Variants in ANO4 observed in about 807,000 individuals in gnomAD.
ANO4 encodes the protein anoctamin 4, also known as anoctamin-4.
Under a neutral mutation model 141.9 loss-of-function variants are expected in ANO4, and 69 were observed. That is an observed-to-expected ratio of 0.49 (90% CI 0.40 to 0.59). The LOEUF (loss-of-function observed/expected upper bound fraction) is 0.59, where lower values mean the gene tolerates loss of function less well. Ranked by LOEUF, ANO4 falls within the 20% of genes least tolerant of loss-of-function variation. The pLI is 0.00. For synonymous variants in ANO4, 350 were observed against 394.3 expected (o/e 0.89, Z 1.33); for missense variants, 894 against 1,162.2 (o/e 0.77, Z 3.36).
Position 100,743,544 on chromosome 12 carries a change from T to C in ANO4, c.358+3439T>C, listed in dbSNP as rs182736492. ...GAAACTTTACACTTCAAAAAGTTGCTACTAGATACTGGACTTTGGGATATA... is the reference window on the plus strand; with the variant it reads ...GAAACTTTACACTTCAAAAAGTTGCCACTAGATACTGGACTTTGGGATATA... On this transcript the variant is annotated intron_variant, in intron 3 of 29. Transcript: ENST00000644049. 4.1e-4 allele frequency among the ~76,000 whole-genome samples: 62 copies of C among 152,250 alleles called. No homozygotes were observed. The East Asian group carries it at 4.2e-3, about 10-fold the overall frequency.
At chr12:100,825,341 A>G (rs113854567) in intron 1 of ANO4, among the ~76,000 whole-genome samples, 2 of 152,160 alleles carry the variant, frequency 1.3e-5, no homozygotes, top group African/African-American at 4.8e-5. Context: ...TAGATTCTCT[A>G]TGTACATGAT....
At chr12:101,041,093 TAAC>T (rs1053953807) in intron 11 of ANO4, among the ~76,000 whole-genome samples, 2 of 152,228 alleles carry the variant, frequency 1.3e-5, no homozygotes, top group African/African-American at 4.8e-5. Flanking sequence ...GATTGGGTAA[TAAC>T]AACCCACATT....
chr12:100,766,607 A>G (rs2033093379), intron 3 of ANO4, among the ~76,000 whole-genome samples: 1 of 152,092 alleles, frequency 6.6e-6, no homozygotes, highest in South Asian at 2.1e-4. Context: ...AAAAGATACT[A>G]GTTATGATTT....
intron 6 of ANO4, among the ~76,000 whole-genome samples, chr12:100,973,794 A>G (rs1206831276): frequency 6.6e-6 from 1 of 152,178 alleles, no homozygotes; most frequent in African/African-American, 2.4e-5. Context: ...TCATGTATCC[A>G]CCATTGCAGG....
chr12:100,983,508 G>T (rs145588493), intron 7 of ANO4, among the ~76,000 whole-genome samples: 7 of 152,284 alleles, frequency 4.6e-5, no homozygotes, highest in African/African-American at 1.4e-4. Context: ...GGGAAAATCT[G>T]CTTCTGGGTT....
chr12:100,895,557 C>CTTTTTT, intron 1 of ANO4, among the ~76,000 whole-genome samples: 4 of 137,318 alleles, frequency 2.9e-5, no homozygotes, highest in African/African-American at 1.3e-4. Context: ...AAAATCTGAG[C>CTTTTTT]TTTGTTTTTT....
intron 18 of ANO4, among the ~76,000 whole-genome samples, chr12:101,095,265 A>G (rs758486471): frequency 3.5e-4 from 52 of 148,566 alleles, no homozygotes; most frequent in South Asian, 8.5e-4. Flanking sequence ...GAAATCTTCC[A>G]TCACCACCAG....
chr12:100,810,698 G>A (rs1311262579), intron 1 of ANO4, among the ~76,000 whole-genome samples: 2 of 152,114 alleles, frequency 1.3e-5, no homozygotes, highest in Non-Finnish European at 2.9e-5. Flanking sequence ...AAATGGGCAA[G>A]TGTAGATTAG....
intron 1 of ANO4, among the ~76,000 whole-genome samples, chr12:100,795,277 A>G (rs2034237080): frequency 1.3e-5 from 2 of 152,142 alleles, no homozygotes; most frequent in Non-Finnish European, 2.9e-5. Context: ...TTGTCCTTGA[A>G]GCAGCAGCCG....
At chr12:100,961,066 A>T (rs1487148926) in intron 5 of ANO4, among the ~76,000 whole-genome samples, 3 of 152,220 alleles carry the variant, frequency 2.0e-5, no homozygotes, top group South Asian at 2.1e-4. Context: ...ATTTATAATT[A>T]GGGTCATCAT....
At chr12:100,803,849 A>C (rs950388212) in intron 1 of ANO4, among the ~76,000 whole-genome samples, 1 of 152,112 alleles carries the variant, frequency 6.6e-6, no homozygotes, top group African/African-American at 2.4e-5. Context: ...TTATCTAACA[A>C]TTGTTAACCT....
At chr12:100,731,685 A>G (rs1390849294) in intron 1 of ANO4, among the ~76,000 whole-genome samples, 1 of 152,126 alleles carries the variant, frequency 6.6e-6, no homozygotes, top group Non-Finnish European at 1.5e-5. Context: ...GCAACCACTA[A>G]TCTTTTTATT....
At chr12:100,877,568 A>T (rs1479232677) in intron 1 of ANO4, among the ~76,000 whole-genome samples, 4 of 151,546 alleles carry the variant, frequency 2.6e-5, no homozygotes, top group Non-Finnish European at 4.4e-5. Flanking sequence ...GGGAGGAGTC[A>T]TGAGTTTGGT....
At chr12:101,106,367 A>AACTT (rs1345791992) in intron 22 of ANO4, among the ~76,000 whole-genome samples, 9 of 152,034 alleles carry the variant, frequency 5.9e-5, no homozygotes, top group African/African-American at 2.2e-4. Flanking sequence ...AAAGGAGGTA[A>AACTT]ACTTATATAT....
chr12:100,851,798 G>A (rs558018473), intron 1 of ANO4, among the ~76,000 whole-genome samples: 1 of 152,056 alleles, frequency 6.6e-6, no homozygotes, highest in African/African-American at 2.4e-5. Context: ...AGAGACCTGT[G>A]GGGGGAGGGG....
rs150443016 is a variant in ANO4 at position 100,735,096 on chromosome 12, A to T, written c.106+1239A>T. 1.4e-4 allele frequency among the ~76,000 whole-genome samples: 21 copies of T among 152,252 alleles called. No homozygotes were observed. In the East Asian group the frequency reaches 4.1e-3, roughly 29 times the overall value. On this transcript the variant is annotated intron_variant, in intron 2 of 29. Transcript: ENST00000644049. The stretch of plus-strand genomic sequence containing the variant: ...GCATTGCTGCCACCTTTCTGAGTTC[A>T]ACCCCCTGTGAAATCAATGTTAATG...
chr12:100,834,025 C>T lies in ANO4; in HGVS notation c.-141+38998C>T, dbSNP rs183351257. 2.8e-3 allele frequency among the ~76,000 whole-genome samples: 426 copies of T among 152,212 alleles called. 1 individual carries two copies. Among genetic ancestry groups the T allele is most frequent in the African/African-American group, 9.5e-3 (395 of 41,532 alleles). On this transcript the variant is annotated intron_variant, in intron 1 of 27. Coordinates refer to ENST00000392977, the MANE Select transcript of ANO4 (RefSeq NM_001286615.2). ...CTTTTGGGAGGGCTAAGGTAGCTCA[C>T]TCGATTCACCAGTCTAGAGAACCAA...
At chr12:100,894,308 G>A (rs1353537925) in intron 1 of ANO4, among the ~76,000 whole-genome samples, 1 of 152,090 alleles carries the variant, frequency 6.6e-6, no homozygotes, top group Non-Finnish European at 1.5e-5. Context: ...TGGTTGGGCA[G>A]TAGCAAATCC....
At chr12:100,959,673 G>T (rs2043325457) in intron 5 of ANO4, among the ~76,000 whole-genome samples, 1 of 152,126 alleles carries the variant, frequency 6.6e-6, no homozygotes, top group South Asian at 2.1e-4. Context: ...TTCCTTCCTT[G>T]AGAAAAACAT....
Sources: allele counts gnomAD v4.1 joint callset (sites outside exome capture counted in the v4.1 genomes callset), GRCh38; gene constraint gnomAD v4.1.1; transcripts MANE v1.5; gene names NCBI Gene and HGNC (gene_info 2026-07-23, HGNC 2026-07-21).